The following RSRC1 variants were observed in gnomAD, a reference collection of about 807,000 sequenced individuals.
RSRC1 encodes serine/Arginine-related protein 53.
In RSRC1, 39 loss-of-function variants were observed where a neutral mutation model predicts 49.1. The ratio of observed to expected loss-of-function variants is 0.79; its 90% CI spans 0.61 to 1.04. The LOEUF is 1.04. Ranked by LOEUF, RSRC1 falls within the 50% of genes least tolerant of loss-of-function variation. The probability of loss-of-function intolerance (pLI) is 0.00; values close to 1 mark genes in which losing one functional copy is unlikely to be tolerated. For synonymous variants in RSRC1, 143 were observed against 130.8 expected, an observed-to-expected ratio of 1.09 and a Z score of -0.63; for missense variants, 388 against 402.4, an observed-to-expected ratio of 0.96 and a Z score of 0.31.
intron 3 of RSRC1, among the ~76,000 whole-genome samples, chr3:158,130,446 T>G (rs1174815416): frequency 6.6e-6 from 1 of 152,228 alleles, no homozygotes; most frequent in Non-Finnish European, 1.5e-5. Flanking sequence ...AGGTTGAATA[T>G]TCCTTATCTG....
intron 4 of RSRC1, among the ~76,000 whole-genome samples, chr3:158,218,735 G>A (rs73874338): frequency 0.076 from 11,590 of 151,556 alleles, 538 homozygotes; most frequent in South Asian, 0.13. Context: ...ATAAAGGGGA[G>A]GCTGCAGTAA....
chr3:158,294,444 A>G (rs1727117047), intron 4 of RSRC1, among the ~76,000 whole-genome samples: 1 of 148,744 alleles, frequency 6.7e-6, no homozygotes, highest in South Asian at 2.2e-4. Flanking sequence ...ATTCTTGTTT[A>G]GTTTATTCTC....
At chr3:158,191,950 T>C (rs185676248) in intron 3 of RSRC1, among the ~76,000 whole-genome samples, 3 of 152,106 alleles carry the variant, frequency 2.0e-5, no homozygotes, top group South Asian at 2.1e-4. Context: ...TCAATTCTTA[T>C]GACAACTAAG....
intron 6 of RSRC1, among the ~76,000 whole-genome samples, chr3:158,390,252 G>A (rs1317452914): frequency 6.6e-6 from 1 of 152,152 alleles, no homozygotes; most frequent in East Asian, 1.9e-4. Flanking sequence ...TGAAGGAGTA[G>A]TGAATTCACA....
chr3:158,523,483 TA>T (rs1406740139), intron 7 of RSRC1, among the ~76,000 whole-genome samples: 2 of 152,016 alleles, frequency 1.3e-5, no homozygotes, highest in South Asian at 2.1e-4. Flanking sequence ...AATTAAAAGA[TA>T]AAAAATATAA....
intron 4 of RSRC1, among the ~76,000 whole-genome samples, chr3:158,246,397 T>TAAA (rs397821719): frequency 2.0e-5 from 3 of 148,128 alleles, no homozygotes; most frequent in African/African-American, 7.4e-5. Context: ...TAAAGTATAA[T>TAAA]AAAAAAAAAA....
chr3:158,524,357 C>T (rs1031396450), intron 7 of RSRC1, among the ~76,000 whole-genome samples: 9 of 152,018 alleles, frequency 5.9e-5, no homozygotes, highest in African/African-American at 1.9e-4. Context: ...CAGGCTTCAC[C>T]TTCAATATCA....
intron 5 of RSRC1, among the ~76,000 whole-genome samples, chr3:158,332,965 T>C (rs1407461061): frequency 7.1e-6 from 1 of 141,810 alleles, no homozygotes; most frequent in African/African-American, 2.5e-5. Context: ...TGCTTTTCTG[T>C]TTTTTGTTTT....
chr3:158,200,224 G>A (rs992971846), intron 3 of RSRC1, among the ~76,000 whole-genome samples: 6 of 152,038 alleles, frequency 3.9e-5, no homozygotes, highest in African/African-American at 1.4e-4. Context: ...TTTTTTAGTA[G>A]AGACAGGGTT....
intron 3 of RSRC1, among the ~76,000 whole-genome samples, chr3:158,160,100 A>G (rs1718129818): frequency 6.6e-6 from 1 of 152,170 alleles, no homozygotes; most frequent in African/African-American, 2.4e-5. Context: ...ATGAGAAGGC[A>G]AAATCTGCCT....
intron 6 of RSRC1, among the ~76,000 whole-genome samples, chr3:158,370,802 G>T (rs1300168201): frequency 6.6e-6 from 1 of 151,792 alleles, no homozygotes; most frequent in Non-Finnish European, 1.5e-5. Flanking sequence ...AATGGAGTTG[G>T]AATTACTAAG....
chr3:158,245,716 A>C (rs376539355), intron 4 of RSRC1, among the ~76,000 whole-genome samples: 3 of 152,272 alleles, frequency 2.0e-5, no homozygotes, highest in African/African-American at 7.2e-5. Context: ...CATTGGGTGC[A>C]TATGTATGTA....
intron 6 of RSRC1, among the ~76,000 whole-genome samples, chr3:158,452,582 G>C (rs1376176509): frequency 6.6e-6 from 1 of 152,202 alleles, no homozygotes; most frequent in African/African-American, 2.4e-5. Flanking sequence ...TGACACAGCA[G>C]TGTTTGTGAA....
intron 6 of RSRC1, among the ~76,000 whole-genome samples, chr3:158,415,541 G>C (rs962732885): frequency 2.6e-5 from 4 of 151,794 alleles, no homozygotes; most frequent in Non-Finnish European, 5.9e-5. Flanking sequence ...TAAAAATAGG[G>C]TGTTAATATT....
At position 158,487,946 on chromosome 3, in the gene RSRC1, C is replaced by CAAAAAAAAAA. The variant is rs1303656428; in HGVS notation, c.652+26945_652+26946insAAAAAAAAAA. 2.4e-3 allele frequency among the ~76,000 whole-genome samples: 27 copies of CAAAAAAAAAA among 11,474 alleles called. 1 individual carries two copies. The highest frequency in any genetic ancestry group is 4.4e-3 in the South Asian group (1 of 228). 7.5% of individuals were successfully genotyped at this position (11,474 alleles called of 152,430 possible). The stretch of plus-strand genomic sequence containing the variant: ...GCCTAGGAGACAAGAGACTCCATCT[C>CAAAAAAAAAA]AAGAAAAAAAAAAAAAAAAAAAAAA... On this transcript the variant is annotated intron_variant, in intron 7 of 9. Coordinates refer to ENST00000611884, the MANE Select transcript of RSRC1 (RefSeq NM_001271838.2).
intron 1 of RSRC1, among the ~76,000 whole-genome samples, chr3:158,120,729 A>G (rs1272309107): frequency 6.7e-6 from 1 of 148,416 alleles, no homozygotes; most frequent in African/African-American, 2.4e-5. Context: ...CATGGTAAAA[A>G]CTGCAATTAC....
At chr3:158,177,033 A>G (rs191288459) in intron 3 of RSRC1, among the ~76,000 whole-genome samples, 1 of 152,368 alleles carries the variant, frequency 6.6e-6, no homozygotes, top group East Asian at 1.9e-4. Context: ...CAACAGACAC[A>G]TGAAAAAATG....
chr3:158,127,451 G>A (rs559822690), intron 3 of RSRC1, among the ~76,000 whole-genome samples: 23 of 151,476 alleles, frequency 1.5e-4, no homozygotes, highest in East Asian at 1.4e-3. Flanking sequence ...GCTTGACTGC[G>A]TTTGCTACTG....
intron 7 of RSRC1, among the ~76,000 whole-genome samples, chr3:158,485,208 T>C (rs1738770682): frequency 6.6e-6 from 1 of 152,098 alleles, no homozygotes; most frequent in South Asian, 2.1e-4. Flanking sequence ...AAAAGTCCAC[T>C]TGGATGTGTC....
Sources: allele counts gnomAD v4.1 joint callset (sites outside exome capture counted in the v4.1 genomes callset), GRCh38; gene constraint gnomAD v4.1.1; transcripts MANE v1.5; gene names NCBI Gene and HGNC (gene_info 2026-07-23, HGNC 2026-07-21).